The following SCN4A variants were observed in gnomAD, a reference collection of about 807,000 sequenced individuals.
SCN4A encodes sodium voltage-gated channel alpha subunit 4.
SCN4A carries 83 observed loss-of-function variants against 162.0 expected under a neutral mutation model. The observed-to-expected ratio is 0.51, with a 90% confidence interval of 0.43 to 0.61. SCN4A has a LOEUF of 0.61. Ranked by LOEUF, SCN4A falls within the 20% of genes least tolerant of loss-of-function variation. The pLI, the probability that SCN4A is intolerant of heterozygous loss-of-function variation, is 0.00. For synonymous variants in SCN4A, 944 were observed against 985.1 expected (o/e 0.96, Z 0.78); for missense variants, 2,196 against 2,462.5 (o/e 0.89, Z 2.29).
chr17:63,972,234 GGGTCAA>G lies in SCN4A; in HGVS notation c.393-15_393-10del. 1 of 1,612,476 alleles carries G rather than the reference GGGTCAA, an allele frequency of 6.2e-7. No homozygotes were observed. The highest frequency in any genetic ancestry group is 8.5e-7 in the Non-Finnish European group (1 of 1,179,120). On this transcript the variant is annotated splice_polypyrimidine_tract_variant and intron_variant, in intron 2 of 23. Coordinates refer to ENST00000435607, the MANE Select transcript of SCN4A (RefSeq NM_000334.4). This position sits in a 1 kb window ranked among gnomAD's most constrained non-coding sequence, Gnocchi z 4.3. ...TGAACATGCTGAACAGCGTGGGGCA[GGGTCAA>G]GGAAAGTGAGGAAGCAGCTAGGATG...
intron 11 of SCN4A, among the ~76,000 whole-genome samples, chr17:63,960,563 G>A (rs1372216578): frequency 1.3e-5 from 2 of 152,226 alleles, no homozygotes; most frequent in Non-Finnish European, 2.9e-5. Context: ...CAGGGCTGGA[G>A]GAGGAGGCGG....
chr17:63,948,830 A>G (rs564729437), intron 15 of SCN4A, 65 bp from the exon 16 acceptor site: 3 of 1,453,052 alleles, frequency 2.1e-6, no homozygotes, highest in South Asian at 2.7e-5. Flanking sequence ...CTTGGGGTGC[A>G]CAGTCAGCGC....
Position 63,940,645 on chromosome 17 carries a change from G to A in SCN4A, c.*126C>T, listed in dbSNP as rs1325367191. On this transcript the variant is annotated 3_prime_UTR_variant, in exon 24 of 24. Coordinates refer to ENST00000435607, the MANE Select transcript of SCN4A (RefSeq NM_000334.4). ...GTCAGCCCCAGTGTGGCCAAATCCT[G>A]TCCCCCATCAGGGAGCCAGGCACAG... 4.1e-6 allele frequency: 5 copies of A among 1,227,470 alleles called. No homozygotes were observed. Among genetic ancestry groups the A allele is most frequent in the African/African-American group, 1.6e-5 (1 of 64,444 alleles). The allele number at this position is 1,227,470 out of a possible 1,614,324, so 76.0% of individuals were successfully genotyped here.
At position 63,941,099 on chromosome 17, in the gene SCN4A, T is replaced by G; in HGVS notation, c.5183A>C (p.Glu1728Ala). ...CCTCTGGATCTTGATGGCGCACACC[T>G]CCTCGTGCTTCCTCTTGAGGGTGGT... ...ITTTLKRKHE[E>A]VCAIKIQRAY... Residue 1728 changes from glutamate (E) to alanine (A), a missense_variant, in exon 24 of 24, where the codon GAG (glutamate) becomes GCG (alanine). By Grantham distance (107) the Glu-to-Ala change is moderately radical. Transcript: ENST00000435607. The surrounding 1 kb of genome is among the most constrained non-coding windows in gnomAD (Gnocchi z 6.2). 1 of 1,613,958 alleles carries G rather than the reference T, an allele frequency of 6.2e-7. No individual in the cohort carries two copies. Among genetic ancestry groups the G allele is most frequent in the South Asian group, 1.1e-5 (1 of 91,088 alleles).
In SCN4A at chr17:63,968,050, C is replaced by G. The variant is rs776665275; in HGVS notation, c.1009G>C (p.Asp337His). 4.6e-5 allele frequency: 74 copies of G among 1,613,826 alleles called. No individual in the cohort carries two copies. The highest frequency in any genetic ancestry group is 8.3e-5 in the Admixed American group (5 of 59,998). Residue 337 changes from aspartate to histidine, a missense_variant, in exon 6 of 24, where the codon GAT becomes CAT. Coordinates refer to ENST00000435607, the MANE Select transcript of SCN4A (RefSeq NM_000334.4). ...TCATCACTGATGTAGGCGTCCCAATCAAAGGTATCGTTGGTGGCCCAGCTT... is the reference window on the plus strand; with the variant it reads ...TCATCACTGATGTAGGCGTCCCAATGAAAGGTATCGTTGGTGGCCCAGCTT... ...HASWATNDTF[D>H]WDAYISDEGN...
At chr17:63,958,362 A>T (rs1007249810) in intron 12 of SCN4A, among the ~76,000 whole-genome samples, 7 of 152,184 alleles carry the variant, frequency 4.6e-5, no homozygotes, top group African/African-American at 1.7e-4. Flanking sequence ...CTAAAAAAAA[A>T]AATACAGACT....
intron 17 of SCN4A, 89 bp from the exon 18 acceptor site, chr17:63,947,256 C>A (rs570454891): frequency 3.3e-6 from 5 of 1,529,546 alleles, no homozygotes; most frequent in Non-Finnish European, 4.5e-6. Flanking sequence ...GGACTCACAG[C>A]TCCTGGTTGT....
At chr17:63,954,295 C>G (rs1057181612) in intron 13 of SCN4A, among the ~76,000 whole-genome samples, 3 of 152,174 alleles carry the variant, frequency 2.0e-5, no homozygotes, top group African/African-American at 7.2e-5. Flanking sequence ...TTCCATGGCT[C>G]CCTTCCTCCC....
chr17:63,947,285 C>T, intron 17 of SCN4A, 118 bp from the exon 18 acceptor site: 3 of 1,332,212 alleles, frequency 2.3e-6, no homozygotes, highest in Admixed American at 3.5e-5. Flanking sequence ...GATCCCCTCC[C>T]TAGTGGGTGG....
chr17:63,971,791 A>G lies in SCN4A; in HGVS notation c.542T>C (p.Phe181Ser). 6.2e-7 allele frequency: 1 copy of G among 1,613,510 alleles called. No homozygotes were observed. The change falls in exon 4 of 24, where the codon TTC (phenylalanine) becomes TCC (serine). Residue 181 changes from phenylalanine (F) to serine (S), a missense_variant. Phe to Ser is a radical substitution (Grantham distance 155, BLOSUM62 -2). Coordinates refer to ENST00000435607, the MANE Select transcript of SCN4A (RefSeq NM_000334.4). Reference sequence around the variant, plus strand: ...GAGGAATGTGAAGTCGTCGACACAGAAGCCTCGGGCCAGTATCTTGATGAG... The same window carrying G: ...GAGGAATGTGAAGTCGTCGACACAGGAGCCTCGGGCCAGTATCTTGATGAG... ...ESLIKILARG[F>S]CVDDFTFLRD...
rs368263333 is a variant in SCN4A at position 63,941,101 on chromosome 17, C to T, written c.5181G>A (p.Glu1727=). The change falls in exon 24 of 24, where the codon GAG becomes GAA. Residue 1727 remains glutamate (E), a synonymous_variant. Coordinates refer to ENST00000435607, the MANE Select transcript of SCN4A (RefSeq NM_000334.4). The surrounding 1 kb of genome is among the most constrained non-coding windows in gnomAD (Gnocchi z 6.2). ...TCTGGATCTTGATGGCGCACACCTC[C>T]TCGTGCTTCCTCTTGAGGGTGGTGG... The part of the protein sequence containing the change: ...PITTTLKRKH[E]EVCAIKIQRA... The T allele has an allele frequency of 2.0e-4, 322 of 1,613,882 alleles. No homozygotes were observed. The highest frequency in any genetic ancestry group is 2.6e-4 in the Non-Finnish European group (308 of 1,179,890).
chr17:63,940,963 G>A lies in SCN4A; in HGVS notation c.5319C>T (p.Ala1773=), dbSNP rs746696835. ...GGCCATACATCTTGCTCATGGTGTT[G>A]GCAAGCAGCCCCTCCTTCTCAGGGG... is the stretch of plus-strand genomic sequence containing the variant. ...DDAPEKEGLL[A]NTMSKMYGHE... is the part of the protein sequence containing the mutation. Residue 1773 remains alanine, a synonymous_variant, in exon 24 of 24, where the codon GCC becomes GCT. Coordinates refer to ENST00000435607, the MANE Select transcript of SCN4A (RefSeq NM_000334.4). 12 of 1,613,636 alleles carry A rather than the reference G, an allele frequency of 7.4e-6. No homozygotes were observed. Among genetic ancestry groups the A allele is most frequent in the South Asian group, 6.6e-5 (6 of 91,074 alleles).
rs191537790 is a variant in SCN4A, at chr17:63,951,095, G to A, written c.2853+329C>T. Among the ~76,000 whole-genome samples the A allele has an allele frequency of 1.3e-5, 2 of 152,298 alleles. No homozygotes were observed. The highest frequency in any genetic ancestry group is 3.9e-4 in the East Asian group (2 of 5,186). Reference sequence around the variant, plus strand: ...AGGCCTCTCAGGTCCTGGTCCTGGAGCTGCGGTGCCCAGGTAAAAGCAGCA... The same window carrying A: ...AGGCCTCTCAGGTCCTGGTCCTGGAACTGCGGTGCCCAGGTAAAAGCAGCA... On this transcript the variant is annotated intron_variant, in intron 14 of 23. Coordinates refer to ENST00000435607, the MANE Select transcript of SCN4A (RefSeq NM_000334.4). This position sits in a 1 kb window ranked among gnomAD's most constrained non-coding sequence, Gnocchi z 4.5.
At position 63,972,266 on chromosome 17, in the gene SCN4A, G is replaced by A. The variant is rs762778468; in HGVS notation, c.393-41C>T. 3 of 1,597,648 alleles carry A rather than the reference G, an allele frequency of 1.9e-6. No individual in the cohort carries two copies. Among genetic ancestry groups the A allele is most frequent in the South Asian group, 1.1e-5 (1 of 89,940 alleles). On this transcript the variant is annotated intron_variant, in intron 2 of 23. Transcript: ENST00000435607. This position sits in a 1 kb window ranked among gnomAD's most constrained non-coding sequence, Gnocchi z 4.3. ...GGAAAGTGAGGAAGCAGCTAGGATG[G>A]GAGGTGATAGAGGGTCTCCTGGGCC...
rs1908896532 is a variant in SCN4A, at chr17:63,951,221, AT to A, written c.2853+202del. Among the ~76,000 whole-genome samples, 1 of 152,198 alleles carries A rather than the reference AT, an allele frequency of 6.6e-6. No individual in the cohort carries two copies. Among genetic ancestry groups the A allele is most frequent in the South Asian group, 2.1e-4 (1 of 4,832 alleles). On this transcript the variant is annotated intron_variant, in intron 14 of 23. Coordinates refer to ENST00000435607, the MANE Select transcript of SCN4A (RefSeq NM_000334.4). This position sits in a 1 kb window ranked among gnomAD's most constrained non-coding sequence, Gnocchi z 4.5. ...AGGGTTGATCATAATAACCACATCAATAACGATAGTGACTGCCACCACTCAC... is the reference window on the plus strand; with the variant it reads ...AGGGTTGATCATAATAACCACATCAAAACGATAGTGACTGCCACCACTCAC...
rs1390492373 is a variant in SCN4A, at chr17:63,963,656, G to A, written c.1606+16C>T. 1.9e-6 allele frequency: 3 copies of A among 1,549,424 alleles called. No homozygotes were observed. Among genetic ancestry groups the A allele is most frequent in the East Asian group, 4.7e-5 (2 of 42,680 alleles). ...CCACCCCTACCTAAGTGGGCACGGG[G>A]GCACAAGGCACTCACCTTCCATGGC... On this transcript the variant is annotated intron_variant, in intron 10 of 23. Coordinates refer to ENST00000435607, the MANE Select transcript of SCN4A (RefSeq NM_000334.4).
intron 3 of SCN4A, 143 bp from the exon 4 acceptor site, chr17:63,971,993 C>T (rs1909625726): frequency 9.4e-7 from 1 of 1,067,088 alleles, no homozygotes; most frequent in African/African-American, 1.6e-5. Flanking sequence ...ATAGCATGGC[C>T]ACCCCAGGGA....
At chr17:63,967,427 A>G (rs1909483864) in intron 6 of SCN4A, among the ~76,000 whole-genome samples, 1 of 151,032 alleles carries the variant, frequency 6.6e-6, no homozygotes, top group Non-Finnish European at 1.5e-5. Context: ...TGCTGGGATT[A>G]CAGGCGTGAG....
At chr17:63,949,763 G>A (rs1350553740) in intron 14 of SCN4A, 1 of 446,964 alleles carries the variant, frequency 2.2e-6, no homozygotes, top group Non-Finnish European at 4.0e-6. Flanking sequence ...TGATGCCTGG[G>A]AAGGGACGGT....
Sources: gnomAD v4.1 joint callset for allele counts (sites outside exome capture counted in the v4.1 genomes callset) on GRCh38, gnomAD v4.1.1 for gene constraint, Gnocchi (gnomAD v3.1) non-coding constraint, MANE v1.5 for transcripts, NCBI Gene and HGNC (gene_info 2026-07-23, HGNC 2026-07-21) for gene names.